LCOR: variants seen among roughly 807,000 people sequenced by gnomAD.
LCOR encodes the protein ligand-dependent corepressor.
LCOR carries 14 observed loss-of-function variants against 64.4 expected under a neutral mutation model. That is an observed-to-expected ratio of 0.22 (90% CI 0.14 to 0.34). The LOEUF (loss-of-function observed/expected upper bound fraction) is 0.34, where lower values mean the gene tolerates loss of function less well. Ranked by LOEUF, LCOR falls within the 10% of genes least tolerant of loss-of-function variation. LCOR has a pLI of 1.00. For missense variants in LCOR, 1,686 were observed against 1,765.3 expected (o/e 0.96, Z 0.80); for synonymous variants, 643 against 642.5 (o/e 1.00, Z -0.01).
intron 4 of LCOR, among the ~76,000 whole-genome samples, chr10:96,932,438 C>G (rs1490786483): frequency 6.6e-6 from 1 of 150,704 alleles, no homozygotes; most frequent in Non-Finnish European, 1.5e-5. Flanking sequence ...AAACAAGGAA[C>G]CTTTTTTATT....
chr10:96,970,507 T>A (rs1243850671), intron 7 of LCOR, among the ~76,000 whole-genome samples: 2 of 151,974 alleles, frequency 1.3e-5, no homozygotes, highest in Non-Finnish European at 2.9e-5. Flanking sequence ...AAAAAATCCA[T>A]CTTCTTGGAT....
intron 4 of LCOR, among the ~76,000 whole-genome samples, chr10:96,918,102 T>C (rs1232012560): frequency 1.3e-5 from 2 of 152,196 alleles, no homozygotes; most frequent in Non-Finnish European, 2.9e-5. Context: ...AAACGAAGTT[T>C]CTAAGGAGTA....
At chr10:96,841,558 A>G (rs1372056956) in intron 2 of LCOR, among the ~76,000 whole-genome samples, 1 of 151,840 alleles carries the variant, frequency 6.6e-6, no homozygotes. Flanking sequence ...ACGGGGTTTC[A>G]CCATGTTGGC....
chr10:96,861,737 G>C (rs748191615), intron 2 of LCOR, among the ~76,000 whole-genome samples: 30 of 152,068 alleles, frequency 2.0e-4, no homozygotes, highest in Non-Finnish European at 3.7e-4. Context: ...GTACAGATGG[G>C]GTTTCGCCAT....
At chr10:96,958,311 C>CTATA in intron 7 of LCOR, 4 of 1,516,704 alleles carry the variant, frequency 2.6e-6, no homozygotes, top group Non-Finnish European at 3.5e-6. Flanking sequence ...ATGTGGTAGT[C>CTATA]TATATAAGTG....
intron 2 of LCOR, among the ~76,000 whole-genome samples, chr10:96,835,601 A>T (rs552233564): frequency 8.0e-4 from 122 of 152,274 alleles, no homozygotes; most frequent in Middle Eastern, 6.8e-3. Flanking sequence ...TTACTTCCAG[A>T]TGTAATAATT....
At chr10:96,941,767 T>G (rs1589671591) in intron 4 of LCOR, among the ~76,000 whole-genome samples, 1 of 140,006 alleles carries the variant, frequency 7.1e-6, no homozygotes, top group African/African-American at 2.7e-5. Context: ...CCAGACAGGG[T>G]TGCGGCCCAG....
intron 1 of LCOR, among the ~76,000 whole-genome samples, chr10:96,832,647 G>A (rs1473534783): frequency 1.3e-5 from 2 of 150,130 alleles, no homozygotes; most frequent in Non-Finnish European, 3.0e-5. Flanking sequence ...CTCTCGGCGG[G>A]AGCGCGGGTT....
At chr10:96,909,824 A>T (rs1356234678) in intron 4 of LCOR, among the ~76,000 whole-genome samples, 1 of 152,206 alleles carries the variant, frequency 6.6e-6, no homozygotes. Context: ...AGAAAGCAAC[A>T]TTGTTTTGAG....
chr10:96,906,460 T>C (rs1016678722), intron 2 of LCOR, among the ~76,000 whole-genome samples: 1 of 152,204 alleles, frequency 6.6e-6, no homozygotes, highest in East Asian at 1.9e-4. Flanking sequence ...CTGCTCTTGT[T>C]TTCCTCCTTA....
Position 96,989,639 on chromosome 10 carries a change from T to C in LCOR, c.*4505T>C, listed in dbSNP as rs1437071285. On this transcript the variant is annotated 3_prime_UTR_variant, in exon 8 of 8. Transcript: ENST00000421806. ...CCAGAGTATGACTGAAAAGCTATTA[T>C]AGTCTTCCTCCTTTTCCAAAAACTC... The C allele has an allele frequency of 6.9e-6, 1 of 145,728 alleles. No individual in the cohort carries two copies. The highest frequency in any genetic ancestry group is 2.6e-5 in the African/African-American group (1 of 38,606). 9.0% of individuals were successfully genotyped at this position (145,728 alleles called of 1,614,324 possible).
chr10:96,925,176 A>C (rs984966641), intron 4 of LCOR, among the ~76,000 whole-genome samples: 1 of 152,060 alleles, frequency 6.6e-6, no homozygotes, highest in Non-Finnish European at 1.5e-5. Flanking sequence ...CCCGGGTTCA[A>C]GTGGTTCTCC....
At position 96,990,451 on chromosome 10, in the gene LCOR, A is replaced by C. The variant is rs941005074; in HGVS notation, c.*5317A>C. The C allele has an allele frequency of 2.0e-5, 3 of 151,868 alleles. No homozygotes were observed. In the East Asian group the frequency reaches 5.8e-4, roughly 29 times the overall value. 9.4% of individuals were successfully genotyped at this position (151,868 alleles called of 1,614,324 possible). A position where few individuals can be genotyped will look rare whatever the true frequency, so the allele number is the denominator to read the frequency against. On this transcript the variant is annotated 3_prime_UTR_variant, in exon 8 of 8. Transcript: ENST00000421806. Reference sequence around the variant, plus strand: ...TCTCACTGTGTTGCCCAGACTGGGAAGTCTTTTGAGGCAGCCTTCAATATA... The same window carrying C: ...TCTCACTGTGTTGCCCAGACTGGGACGTCTTTTGAGGCAGCCTTCAATATA...
rs2134566034 is a variant in LCOR at position 96,983,667 on chromosome 10, A to G, written c.3207A>G (p.Ile1069Met). The G allele has an allele frequency of 6.2e-7, 1 of 1,614,168 alleles. No homozygotes were observed. Among genetic ancestry groups the G allele is most frequent in the Non-Finnish European group, 8.5e-7 (1 of 1,180,026 alleles). ...SEKEAAQVNPIMPKENGASES... is the reference protein window; with the variant it reads ...SEKEAAQVNPMMPKENGASES... ...AGGAAGCTGCACAAGTAAACCCCAT[A>G]ATGCCAAAGGAAAATGGAGCTTCAG... The change falls in exon 8 of 8, where the codon ATA becomes ATG. Residue 1069 changes from isoleucine (I) to methionine (M), a missense_variant. Physicochemically the swap from Ile to Met is conservative, Grantham distance 10. Transcript: ENST00000421806. The surrounding 1 kb of genome is among the most constrained non-coding windows in gnomAD (Gnocchi z 4.5).
chr10:96,968,560 C>T (rs889739158), intron 7 of LCOR, among the ~76,000 whole-genome samples: 15 of 152,144 alleles, frequency 9.9e-5, no homozygotes, highest in South Asian at 4.2e-4. Flanking sequence ...TTCAGAAAGC[C>T]CTCATAAAGG....
chr10:96,851,300 A>G (rs528212855), intron 2 of LCOR, among the ~76,000 whole-genome samples: 3 of 152,328 alleles, frequency 2.0e-5, no homozygotes, highest in Admixed American at 1.3e-4. Context: ...ACTTAATTCA[A>G]CCGTGTAACC....
intron 2 of LCOR, among the ~76,000 whole-genome samples, chr10:96,850,236 C>T (rs59751908): frequency 0.14 from 21,540 of 152,078 alleles, 2,110 homozygotes; most frequent in African/African-American, 0.27. Flanking sequence ...ATGCCACTTA[C>T]TGGTATGCTT....
chr10:96,936,656 A>T (rs1847355635), intron 4 of LCOR, among the ~76,000 whole-genome samples: 1 of 152,220 alleles, frequency 6.6e-6, no homozygotes, highest in African/African-American at 2.4e-5. Context: ...ACCAATACTG[A>T]TGTAAGGCGA....
chr10:96,837,334 G>T (rs766753714), intron 2 of LCOR, among the ~76,000 whole-genome samples: 5 of 151,792 alleles, frequency 3.3e-5, no homozygotes, highest in Non-Finnish European at 7.4e-5. Context: ...TTGGCTCACT[G>T]CAACCTCCAC....
Sources: gnomAD v4.1 joint callset for allele counts (sites outside exome capture counted in the v4.1 genomes callset) on GRCh38, gnomAD v4.1.1 for gene constraint, Gnocchi (gnomAD v3.1) non-coding constraint, MANE v1.5 for transcripts, NCBI Gene and HGNC (gene_info 2026-07-23, HGNC 2026-07-21) for gene names.